PARD6G: variants seen among roughly 807,000 people sequenced by gnomAD.
PARD6G encodes par-6 family cell polarity regulator gamma, also known as partitioning defective 6 homolog gamma.
Under a neutral mutation model 10.7 loss-of-function variants are expected in PARD6G, and 7 were observed. The observed-to-expected ratio is 0.66, with a 90% CI of 0.37 to 1.23. The LOEUF (loss-of-function observed/expected upper bound fraction) is 1.23, where lower values mean the gene tolerates loss of function less well. PARD6G is among the 50% of genes most tolerant of loss of function. PARD6G has a pLI of 0.02. For synonymous variants in PARD6G, 287 were observed against 269.4 expected, an observed-to-expected ratio of 1.07 and a Z score of -0.64; for missense variants, 548 against 571.8, an observed-to-expected ratio of 0.96 and a Z score of 0.42.
rs979023240 is a variant in PARD6G, at chr18:80,181,118, G to A, written c.296-20512C>T. 6.6e-6 allele frequency among the ~76,000 whole-genome samples: 1 copy of A among 152,164 alleles called. No individual in the cohort carries two copies. The highest frequency in any genetic ancestry group is 1.5e-5 in the Non-Finnish European group (1 of 68,010). ...GGCTGCGACCGGAGAAGCAGCCTGCGGGGGTGGGCCAGGAAGGGGCGCCAC... is the reference window on the plus strand; with the variant it reads ...GGCTGCGACCGGAGAAGCAGCCTGCAGGGGTGGGCCAGGAAGGGGCGCCAC... On this transcript the variant is annotated intron_variant, in intron 2 of 2. Transcript: ENST00000353265. This position sits in a 1 kb window ranked among gnomAD's most constrained non-coding sequence, Gnocchi z 7.9.
At chr18:80,230,319 CA>C (rs1306649295) in intron 1 of PARD6G, among the ~76,000 whole-genome samples, 1 of 152,252 alleles carries the variant, frequency 6.6e-6, no homozygotes, top group African/African-American at 2.4e-5. Context: ...GAAAGAACTC[CA>C]TGTAGGAAAA....
At chr18:80,197,776 C>T (rs1346168149) in intron 2 of PARD6G, 1 of 152,260 alleles carries the variant, frequency 6.6e-6, no homozygotes, top group Non-Finnish European at 1.5e-5. Flanking sequence ...GTTGTGCATT[C>T]TCTGGCAAGG....
At chr18:80,209,256 C>T (rs559596291) in intron 1 of PARD6G, among the ~76,000 whole-genome samples, 1 of 152,234 alleles carries the variant, frequency 6.6e-6, no homozygotes, top group East Asian at 1.9e-4. Context: ...GTATGTAAGC[C>T]TATGAATCCC....
intron 1 of PARD6G, among the ~76,000 whole-genome samples, chr18:80,230,129 C>A (rs1362649201): frequency 6.6e-6 from 1 of 152,232 alleles, no homozygotes; most frequent in Non-Finnish European, 1.5e-5. Flanking sequence ...CTGTCAGAGC[C>A]CCTGGCCTAC....
chr18:80,194,697 G>A (rs1966934459), intron 2 of PARD6G, among the ~76,000 whole-genome samples: 2 of 152,116 alleles, frequency 1.3e-5, no homozygotes, highest in Non-Finnish European at 2.9e-5. Context: ...GCCACGTGGG[G>A]AATTATTTCT....
chr18:80,234,894 C>A (rs553497938), intron 1 of PARD6G, among the ~76,000 whole-genome samples: 3,854 of 152,174 alleles, frequency 0.025, 153 homozygotes, highest in African/African-American at 0.088. Context: ...CTTAGACTCC[C>A]ACACAATAAT....
chr18:80,210,028 G>C (rs1045612393), intron 1 of PARD6G, among the ~76,000 whole-genome samples: 19 of 152,096 alleles, frequency 1.2e-4, no homozygotes, highest in African/African-American at 4.6e-4. Flanking sequence ...AGAAGGGATA[G>C]AGCTCGAGAA....
rs1441680970 is a variant in PARD6G, at chr18:80,246,654, C to A, written c.72+623G>T. On this transcript the variant is annotated intron_variant, in intron 1 of 2. Coordinates refer to ENST00000353265, the MANE Select transcript of PARD6G (RefSeq NM_032510.4). This position sits in a 1 kb window ranked among gnomAD's most constrained non-coding sequence, Gnocchi z 6.7. ...GTGGGGGTGGGGTGGGGTGTCTGGC[C>A]CGGGGACGCGCCCGGGGAGGCGTGG... is the stretch of plus-strand genomic sequence containing the variant. Among the ~76,000 whole-genome samples the A allele has an allele frequency of 6.9e-6, 1 of 145,778 alleles. No homozygotes were observed. Among genetic ancestry groups the A allele is most frequent in the African/African-American group, 2.6e-5 (1 of 39,102 alleles).
In PARD6G at chr18:80,189,228, G is replaced by C. The variant is rs1341663049; in HGVS notation, c.295+13482C>G. On this transcript the variant is annotated intron_variant, in intron 2 of 2. Transcript: ENST00000353265. This position sits in a 1 kb window ranked among gnomAD's most constrained non-coding sequence, Gnocchi z 5.5. ...AGCAATTCCCATGGCCAGCATTCAA[G>C]GCCAAATTTTGCCAACACATCAAAC... 1 of 152,248 alleles carries C rather than the reference G, an allele frequency of 6.6e-6. No individual in the cohort carries two copies. Among genetic ancestry groups the C allele is most frequent in the Non-Finnish European group, 1.5e-5 (1 of 68,054 alleles). The allele number at this position is 152,248 out of a possible 1,614,324, so 9.4% of individuals were successfully genotyped here. A position where few individuals can be genotyped will look rare whatever the true frequency, so the allele number is the denominator to read the frequency against.
chr18:80,191,369 T>C (rs78735286), intron 2 of PARD6G, among the ~76,000 whole-genome samples: 16 of 152,158 alleles, frequency 1.1e-4, no homozygotes, highest in African/African-American at 3.9e-4. Flanking sequence ...TTTCTTTTTT[T>C]CCTCTGCTCT....
chr18:80,214,936 AAG>A (rs548128832), intron 1 of PARD6G, among the ~76,000 whole-genome samples: 2 of 152,274 alleles, frequency 1.3e-5, no homozygotes, highest in East Asian at 1.9e-4. Flanking sequence ...TGCCAAAAAA[AAG>A]AGAGAGAGAA....
In PARD6G at chr18:80,230,205, G is replaced by C. The variant is rs143795949; in HGVS notation, c.72+17072C>G. Among the ~76,000 whole-genome samples, 428 of 152,340 alleles carry C rather than the reference G, an allele frequency of 2.8e-3. 1 individual carries two copies. Among genetic ancestry groups the C allele is most frequent in the African/African-American group, 9.9e-3 (410 of 41,576 alleles). ...ATCCAAGCCCAGACGCATTCCAGCTGTAAAGGATCTCACGCGTGTGCATGG... is the reference window on the plus strand; with the variant it reads ...ATCCAAGCCCAGACGCATTCCAGCTCTAAAGGATCTCACGCGTGTGCATGG... On this transcript the variant is annotated intron_variant, in intron 1 of 2. Transcript: ENST00000353265.
In PARD6G at chr18:80,159,673, G is replaced by A. The variant is rs910284735; in HGVS notation, c.*98C>T. ...AACAAAGAGCAGCGTTGTTTTTGTG[G>A]TCACAAAAACAACAAAAAATGAGCG... On this transcript the variant is annotated 3_prime_UTR_variant, in exon 3 of 3. Transcript: ENST00000353265. The A allele has an allele frequency of 3.0e-6, 4 of 1,311,704 alleles. No homozygotes were observed. The highest frequency in any genetic ancestry group is 3.9e-6 in the Non-Finnish European group (4 of 1,027,466). The allele number at this position is 1,311,704 out of a possible 1,614,324, so 81.3% of individuals were successfully genotyped here.
At chr18:80,212,755 C>T (rs1360117440) in intron 1 of PARD6G, among the ~76,000 whole-genome samples, 1 of 149,922 alleles carries the variant, frequency 6.7e-6, no homozygotes, top group African/African-American at 2.5e-5. Flanking sequence ...TATGGTGGCA[C>T]ACGCCTGTAG....
chr18:80,220,899 T>G (rs1328626603), intron 1 of PARD6G, among the ~76,000 whole-genome samples: 4 of 152,132 alleles, frequency 2.6e-5, no homozygotes, highest in Non-Finnish European at 5.9e-5. Context: ...AAAATAAAAT[T>G]TTATTGTAAA....
chr18:80,225,138 C>T (rs1282240889), intron 1 of PARD6G, among the ~76,000 whole-genome samples: 1 of 152,220 alleles, frequency 6.6e-6, no homozygotes, highest in African/African-American at 2.4e-5. Flanking sequence ...CAAGGAACTG[C>T]GGCACCGTTT....
chr18:80,215,550 A>C (rs554091080), intron 1 of PARD6G, among the ~76,000 whole-genome samples: 1 of 152,330 alleles, frequency 6.6e-6, no homozygotes, highest in African/African-American at 2.4e-5. Context: ...ATTGAAATTA[A>C]GTTGGTATCA....
intron 1 of PARD6G, among the ~76,000 whole-genome samples, chr18:80,229,073 G>T (rs565388557): frequency 6.6e-6 from 1 of 152,062 alleles, no homozygotes; most frequent in Admixed American, 6.5e-5. Context: ...CGAGTAGCTG[G>T]GACTACAGGT....
At chr18:80,178,657 T>A (rs2052830425) in intron 2 of PARD6G, among the ~76,000 whole-genome samples, 1 of 152,208 alleles carries the variant, frequency 6.6e-6, no homozygotes, top group Admixed American at 6.5e-5. Context: ...TCACCCCAGA[T>A]GGTTCCTGCC....
Sources: allele counts gnomAD v4.1 joint callset (sites outside exome capture counted in the v4.1 genomes callset), GRCh38; gene constraint gnomAD v4.1.1; non-coding constraint Gnocchi (gnomAD v3.1); transcripts MANE v1.5; gene names NCBI Gene and HGNC (gene_info 2026-07-23, HGNC 2026-07-21).